The following DMRT1 variants were observed in gnomAD, a reference collection of about 807,000 sequenced individuals.
The protein encoded by DMRT1 is doublesex- and mab-3-related transcription factor 1.
DMRT1 carries 7 observed loss-of-function variants against 32.3 expected under a neutral mutation model. The ratio of observed to expected loss-of-function variants is 0.22; its 90% CI spans 0.12 to 0.41. DMRT1 has a LOEUF of 0.41. DMRT1 is among the 10% of genes least tolerant of loss of function. DMRT1 has a pLI of 1.00. For missense variants in DMRT1, 625 were observed against 500.5 expected, an observed-to-expected ratio of 1.25 and a Z score of -2.37; for synonymous variants, 278 against 206.1, an observed-to-expected ratio of 1.35 and a Z score of -2.99.
At chr9:914,784 A>C (rs1401227240) in intron 3 of DMRT1, among the ~76,000 whole-genome samples, 1 of 152,186 alleles carries the variant, frequency 6.6e-6, no homozygotes, top group Admixed American at 6.5e-5. Flanking sequence ...TCATGAGAAC[A>C]TAGATTTGAG....
intron 4 of DMRT1, among the ~76,000 whole-genome samples, chr9:962,706 C>T (rs962986453): frequency 7.2e-5 from 11 of 152,078 alleles, no homozygotes; most frequent in Admixed American, 7.2e-4. Flanking sequence ...GCTGAATGCG[C>T]CCCTTCTTTC....
chr9:963,389 AAC>A (rs1340435979), intron 4 of DMRT1, among the ~76,000 whole-genome samples: 1 of 150,480 alleles, frequency 6.6e-6, no homozygotes, highest in African/African-American at 2.5e-5. Context: ...TCGGGGGAAA[AAC>A]ACATTTAATT....
intron 2 of DMRT1, among the ~76,000 whole-genome samples, chr9:867,494 T>C (rs896682249): frequency 2.0e-5 from 3 of 152,238 alleles, no homozygotes; most frequent in Admixed American, 2.0e-4. Flanking sequence ...AGTGTCTGCC[T>C]TGTGGCAGGT....
intron 2 of DMRT1, among the ~76,000 whole-genome samples, chr9:851,366 G>T (rs922496963): frequency 3.3e-5 from 5 of 152,136 alleles, no homozygotes; most frequent in Non-Finnish European, 7.3e-5. Context: ...AGCCTCTTGA[G>T]TAGCTGAGAT....
intron 4 of DMRT1, among the ~76,000 whole-genome samples, chr9:923,029 G>A (rs898570740): frequency 3.3e-5 from 5 of 152,156 alleles, no homozygotes; most frequent in Admixed American, 1.3e-4. Context: ...TGGCAATGTC[G>A]TGGACCAGGG....
intron 2 of DMRT1, among the ~76,000 whole-genome samples, chr9:866,590 G>C (rs1217396903): frequency 6.6e-6 from 1 of 152,170 alleles, no homozygotes; most frequent in Non-Finnish European, 1.5e-5. Flanking sequence ...GGGCAAACCA[G>C]AAAGCAACGA....
intron 3 of DMRT1, chr9:894,694 G>A (rs1817284082): frequency 5.0e-6 from 1 of 200,422 alleles, no homozygotes; most frequent in African/African-American, 2.3e-5. Context: ...CTGTATGGAA[G>A]AAAGGTAAGA....
intron 3 of DMRT1, among the ~76,000 whole-genome samples, chr9:911,490 T>G (rs912053862): frequency 2.2e-5 from 2 of 89,700 alleles, no homozygotes; most frequent in African/African-American, 1.1e-4. Context: ...TTTTTTTTTT[T>G]TTTTTTTTTT....
Position 842,021 on chromosome 9 carries a change from G to A in DMRT1, c.183G>A (p.Ser61=). 3.2e-6 allele frequency: 5 copies of A among 1,549,518 alleles called. No individual in the cohort carries two copies. The highest frequency in any genetic ancestry group is 1.2e-5 in the South Asian group (1 of 84,910). ...GAGGCGGCTCCGGCTCCGGGGCGTCGGACCTGGGTGCCGGGAGCAAGAAGT... is the reference window on the plus strand; with the variant it reads ...GAGGCGGCTCCGGCTCCGGGGCGTCAGACCTGGGTGCCGGGAGCAAGAAGT... ...SRGGGSGSGA[S]DLGAGSKKSP... The change falls in exon 1 of 5, where the codon TCG becomes TCA. Residue 61 remains serine (S), a synonymous_variant. Transcript: ENST00000382276.
chr9:905,168 C>T (rs900993593), intron 3 of DMRT1, among the ~76,000 whole-genome samples: 1 of 152,080 alleles, frequency 6.6e-6, no homozygotes, highest in African/African-American at 2.4e-5. Context: ...GTGAGTGCAC[C>T]CCCTTACTGC....
chr9:954,762 C>G (rs1819541870), intron 4 of DMRT1, among the ~76,000 whole-genome samples: 1 of 152,154 alleles, frequency 6.6e-6, no homozygotes, highest in Non-Finnish European at 1.5e-5. Context: ...CTGCCTCAGC[C>G]TCCCTAGTAG....
At chr9:845,534 G>T (rs1444387031) in intron 1 of DMRT1, among the ~76,000 whole-genome samples, 1 of 150,734 alleles carries the variant, frequency 6.6e-6, no homozygotes, top group Non-Finnish European at 1.5e-5. Context: ...CGGTGTTATT[G>T]AAGAGGGACC....
At chr9:946,930 C>T (rs1470562345) in intron 4 of DMRT1, among the ~76,000 whole-genome samples, 6 of 152,162 alleles carry the variant, frequency 3.9e-5, no homozygotes, top group Admixed American at 2.6e-4. Context: ...GATTCACAGA[C>T]GGTGCCCATC....
At position 965,150 on chromosome 9, in the gene DMRT1, T is replaced by C. The variant is rs1035652018; in HGVS notation, c.968-2835T>C. 6.6e-6 allele frequency among the ~76,000 whole-genome samples: 1 copy of C among 152,238 alleles called. No individual in the cohort carries two copies. The highest frequency in any genetic ancestry group is 1.5e-5 in the Non-Finnish European group (1 of 68,042). On this transcript the variant is annotated intron_variant, in intron 4 of 4. Coordinates refer to ENST00000382276, the MANE Select transcript of DMRT1 (RefSeq NM_021951.3). The surrounding 1 kb of genome is among the most constrained non-coding windows in gnomAD (Gnocchi z 4.5). The stretch of plus-strand genomic sequence containing the variant: ...TTAAGGATGGTAGTAAAAGTGATTT[T>C]GGACATTAGTCACTAAGGAAAAACA...
chr9:900,015 A>C (rs7875002), intron 3 of DMRT1, among the ~76,000 whole-genome samples: 110,854 of 152,218 alleles, frequency 0.73, 40,498 homozygotes, highest in East Asian at 0.79. Flanking sequence ...AGGCACCTCG[A>C]AGGAATGCAT....
At chr9:862,816 G>A (rs977433128) in intron 2 of DMRT1, among the ~76,000 whole-genome samples, 7 of 152,142 alleles carry the variant, frequency 4.6e-5, no homozygotes, top group Non-Finnish European at 8.8e-5. Context: ...GGTTTTCCTA[G>A]TTAGGTGAGG....
intron 4 of DMRT1, among the ~76,000 whole-genome samples, chr9:924,088 T>TTAC (rs71327361): frequency 2.8e-5 from 4 of 144,314 alleles, no homozygotes; most frequent in Non-Finnish European, 6.0e-5. Flanking sequence ...TTTTTTTTTT[T>TTAC]CCACCTGGAG....
chr9:958,926 A>T (rs1034724716), intron 4 of DMRT1, among the ~76,000 whole-genome samples: 1 of 152,176 alleles, frequency 6.6e-6, no homozygotes, highest in East Asian at 1.9e-4. Flanking sequence ...CTTAGCCTTA[A>T]CGAGATGCCC....
chr9:849,918 G>T (rs2132549528), intron 2 of DMRT1, among the ~76,000 whole-genome samples: 1 of 152,262 alleles, frequency 6.6e-6, no homozygotes, highest in Admixed American at 6.5e-5. Flanking sequence ...CTGCCTCCCA[G>T]GTTCAAGCGA....
Sources: gnomAD v4.1 joint callset for allele counts (sites outside exome capture counted in the v4.1 genomes callset) on GRCh38, gnomAD v4.1.1 for gene constraint, Gnocchi (gnomAD v3.1) non-coding constraint, MANE v1.5 for transcripts, NCBI Gene and HGNC (gene_info 2026-07-23, HGNC 2026-07-21) for gene names.